PDXDC1: variants seen among roughly 807,000 people sequenced by gnomAD.
PDXDC1 encodes the protein pyridoxal dependent decarboxylase domain containing 1.
In PDXDC1, 42 loss-of-function variants were observed where a neutral mutation model predicts 100.1. That is an observed-to-expected ratio of 0.42 (90% confidence interval 0.33 to 0.54). The LOEUF (loss-of-function observed/expected upper bound fraction) is 0.54, where lower values mean the gene tolerates loss of function less well. PDXDC1 is among the 20% of genes least tolerant of loss of function. The probability of loss-of-function intolerance (pLI) is 0.10; values close to 1 mark genes in which losing one functional copy is unlikely to be tolerated. For synonymous variants in PDXDC1, 260 were observed against 371.7 expected, an observed-to-expected ratio of 0.70 and a Z score of 3.46; for missense variants, 636 against 979.2, an observed-to-expected ratio of 0.65 and a Z score of 4.68.
At position 15,037,781 on chromosome 16, in the gene PDXDC1, G is replaced by A; in HGVS notation, c.*1506G>A. On this transcript the variant is annotated 3_prime_UTR_variant, in exon 23 of 23. Transcript: ENST00000396410. ...ACCAGTGAGAGGTAGGTTCTCCTCT[G>A]CCCGTTATTACCGACCAAAAAAAAA... is the stretch of plus-strand genomic sequence containing the variant. 2 of 388,876 alleles carry A rather than the reference G, an allele frequency of 5.1e-6. No individual in the cohort carries two copies. Among genetic ancestry groups the A allele is most frequent in the Non-Finnish European group, 9.0e-6 (2 of 221,044 alleles). 24.1% of individuals were successfully genotyped at this position (388,876 alleles called of 1,614,324 possible).
At chr16:15,051,698 A>T (rs1367051368) in intron 16 of PDXDC1, among the ~76,000 whole-genome samples, 6 of 122,396 alleles carry the variant, frequency 4.9e-5, no homozygotes, top group African/African-American at 1.9e-4. Context: ...TTTATTTTTA[A>T]TTTTTTTTTT....
At chr16:15,141,427 C>T (rs2048473773), downstream of PDXDC1, among the ~76,000 whole-genome samples, 1 of 152,246 alleles carries the variant, frequency 6.6e-6, no homozygotes, top group Admixed American at 6.5e-5. Flanking sequence ...ACAGATGAGA[C>T]GCTGGGCACT....
At chr16:15,060,148 T>C (rs756028364) in intron 16 of PDXDC1, 3 of 411,688 alleles carry the variant, frequency 7.3e-6, no homozygotes, top group East Asian at 7.7e-5. Context: ...AACAGACTTA[T>C]ATGTAAATGT....
intron 14 of PDXDC1, 51 bp downstream of exon 14, chr16:15,026,757 G>C (rs1388206448): frequency 6.6e-7 from 1 of 1,514,198 alleles, no homozygotes; most frequent in East Asian, 2.3e-5. Flanking sequence ...TAAAGGCTTT[G>C]AATTTGATAC....
chr16:15,035,195 G>T (rs2043334485), intron 21 of PDXDC1, among the ~76,000 whole-genome samples: 2 of 152,228 alleles, frequency 1.3e-5, no homozygotes, highest in Non-Finnish European at 2.9e-5. Context: ...TGTGGCTACA[G>T]TACGTTTCCC....
At chr16:15,075,631 T>C (rs534798604) in intron 16 of PDXDC1, among the ~76,000 whole-genome samples, 25 of 152,120 alleles carry the variant, frequency 1.6e-4, no homozygotes, top group Non-Finnish European at 3.2e-4. Context: ...GGCAGGGGTC[T>C]CATTCAGGGA....
At chr16:15,014,509 G>A (rs1183875541) in intron 8 of PDXDC1, among the ~76,000 whole-genome samples, 2 of 152,298 alleles carry the variant, frequency 1.3e-5, no homozygotes, top group African/African-American at 4.8e-5. Context: ...TGCTGGAAGA[G>A]CCTGTGGCAC....
chr16:15,089,786 C>CAAAAAAAAAAA (rs142235345), intron 16 of PDXDC1, among the ~76,000 whole-genome samples: 4 of 66,574 alleles, frequency 6.0e-5, no homozygotes, highest in African/African-American at 1.4e-4. Context: ...GGCGACAGAG[C>CAAAAAAAAAAA]AAAAAAAAAA....
At chr16:15,149,360 C>T in the PDXDC1 span, among the ~76,000 whole-genome samples, 1 of 152,320 alleles carries the variant, frequency 6.6e-6, no homozygotes, top group East Asian at 1.9e-4. Context: ...CGAGGGTGGC[C>T]CTCCTTCTGC....
intron 21 of PDXDC1, 140 bp downstream of exon 21, chr16:15,034,693 A>T (rs982793960): frequency 1.9e-5 from 13 of 695,318 alleles, no homozygotes; most frequent in Admixed American, 1.7e-4. Context: ...ACATCTGAGG[A>T]GACAAGTTCT....
At chr16:15,041,249 G>A (rs1443577258), downstream of PDXDC1, 3 of 704,784 alleles carry the variant, frequency 4.3e-6, no homozygotes, top group Non-Finnish European at 5.0e-6. Flanking sequence ...GAAAATGAAA[G>A]GGATTGTGGC....
intron 16 of PDXDC1, chr16:15,085,845 C>T (rs1399481232): frequency 1.0e-5 from 13 of 1,274,488 alleles, no homozygotes; most frequent in Middle Eastern, 2.7e-4. Flanking sequence ...ATTAATTAAA[C>T]GCACAATCTG....
At chr16:15,131,322 G>C (rs770399801) in intron 16 of PDXDC1, 3 of 1,566,838 alleles carry the variant, frequency 1.9e-6, no homozygotes, top group African/African-American at 1.3e-5. Flanking sequence ...ACGCCATCGA[G>C]GCCACCTTGG....
intron 16 of PDXDC1, among the ~76,000 whole-genome samples, chr16:15,112,033 G>A (rs1330689165): frequency 6.8e-6 from 1 of 146,896 alleles, no homozygotes; most frequent in Non-Finnish European, 1.5e-5. Flanking sequence ...CATCAGCTTC[G>A]TTGAGGCTGG....
chr16:14,987,923 TC>T (rs1468554146), intron 1 of PDXDC1, among the ~76,000 whole-genome samples: 1 of 152,274 alleles, frequency 6.6e-6, no homozygotes. Context: ...GTTTTTTTTT[TC>T]TGCCAACATT....
At chr16:15,131,660 A>G in intron 16 of PDXDC1, 1 of 1,577,466 alleles carries the variant, frequency 6.3e-7, no homozygotes, top group Non-Finnish European at 8.6e-7. Context: ...CCCAGCTCTG[A>G]GCGCTGTGGT....
At position 14,997,443 on chromosome 16, in the gene PDXDC1, G is replaced by A. The variant is rs1972228744; in HGVS notation, c.22-310G>A. Among the ~76,000 whole-genome samples the A allele has an allele frequency of 2.0e-5, 3 of 152,396 alleles. No individual in the cohort carries two copies. In the South Asian group the frequency reaches 6.2e-4, roughly 32 times the overall value. On this transcript the variant is annotated intron_variant, in intron 1 of 22. Transcript: ENST00000396410. ...TAATCCCAGCTACTTGGGAGGCTGA[G>A]GCAAGAGAATCACTTGAACCCAGGA...
chr16:15,117,807 CAT>C, intron 16 of PDXDC1, among the ~76,000 whole-genome samples: 1 of 62,658 alleles, frequency 1.6e-5, no homozygotes, highest in Non-Finnish European at 3.2e-5. Flanking sequence ...CTTCATAACT[CAT>C]ATATTTTCTG....
At chr16:15,140,860 C>T (rs1177266636), downstream of PDXDC1, among the ~76,000 whole-genome samples, 1 of 152,116 alleles carries the variant, frequency 6.6e-6, no homozygotes, top group Non-Finnish European at 1.5e-5. Flanking sequence ...CTGCACACCA[C>T]CCCCCTGCTC....
Sources: gnomAD v4.1 joint callset for allele counts (sites outside exome capture counted in the v4.1 genomes callset) on GRCh38, gnomAD v4.1.1 for gene constraint, MANE v1.5 for transcripts, NCBI Gene and HGNC (gene_info 2026-07-23, HGNC 2026-07-21) for gene names.